The following SPATS2L variants were observed in gnomAD, a reference collection of about 807,000 sequenced individuals.
The protein encoded by SPATS2L is spermatogenesis associated serine rich 2 like.
In SPATS2L, 30 loss-of-function variants were observed where a neutral mutation model predicts 59.6. The ratio of observed to expected loss-of-function variants is 0.50; its 90% CI spans 0.38 to 0.68. The LOEUF is 0.68. SPATS2L is among the 30% of genes least tolerant of loss of function. The probability of loss-of-function intolerance (pLI) is 0.00; values close to 1 mark genes in which losing one functional copy is unlikely to be tolerated. For synonymous variants in SPATS2L, 252 were observed against 263.5 expected, an observed-to-expected ratio of 0.96 and a Z score of 0.42; for missense variants, 615 against 700.0, an observed-to-expected ratio of 0.88 and a Z score of 1.37.
intron 5 of SPATS2L, 41 bp downstream of exon 5, chr2:200,416,469 C>A: frequency 1.7e-6 from 2 of 1,160,128 alleles, no homozygotes; most frequent in Non-Finnish European, 2.4e-6. Flanking sequence ...CATCTTCAAT[C>A]AAAACCTTCA....
In SPATS2L at chr2:200,419,385, G is replaced by A. The variant is rs754518191; in HGVS notation, c.334G>A (p.Glu112Lys). ...TCAAAACGGCCCCATGAATGGCTGC[G>A]AGAAGGACAGCTCGTCCACAGATTC... ...QIQNGPMNGCEKDSSSTDSAN... is the reference protein window; with the variant it reads ...QIQNGPMNGCKKDSSSTDSAN... Residue 112 changes from glutamate (E) to lysine (K), a missense_variant, in exon 6 of 13, where the codon GAG (glutamate) becomes AAG (lysine). Coordinates refer to ENST00000409140, the MANE Select transcript of SPATS2L (RefSeq NM_001100423.2). The A allele has an allele frequency of 4.3e-6, 7 of 1,613,196 alleles. No homozygotes were observed. In the Admixed American group the frequency reaches 5.0e-5, roughly 12 times the overall value.
chr2:200,353,720 C>G (rs1185170335), intron 2 of SPATS2L, among the ~76,000 whole-genome samples: 2 of 152,078 alleles, frequency 1.3e-5, no homozygotes, highest in Non-Finnish European at 2.9e-5. Context: ...ACCCATTGTC[C>G]TTGAGAAATG....
intron 6 of SPATS2L, among the ~76,000 whole-genome samples, chr2:200,428,198 C>T (rs1049785821): frequency 6.6e-5 from 10 of 152,212 alleles, no homozygotes; most frequent in Admixed American, 2.0e-4. Flanking sequence ...CTCATTGTTA[C>T]GGCTTTCAGC....
intron 2 of SPATS2L, among the ~76,000 whole-genome samples, chr2:200,333,293 AAGAG>A (rs569331956): frequency 9.8e-4 from 149 of 151,742 alleles, no homozygotes; most frequent in African/African-American, 3.2e-3. Flanking sequence ...CTCAAAAAAA[AAGAG>A]AGAGAGAGAA....
chr2:200,422,248 G>A (rs1167379544), intron 6 of SPATS2L, among the ~76,000 whole-genome samples: 8 of 152,196 alleles, frequency 5.3e-5, no homozygotes, highest in Non-Finnish European at 8.8e-5. Context: ...CTGTTAAAGA[G>A]TAAATGAGCC....
At chr2:200,316,888 T>C (rs2079399220) in intron 1 of SPATS2L, among the ~76,000 whole-genome samples, 1 of 152,150 alleles carries the variant, frequency 6.6e-6, no homozygotes, top group Non-Finnish European at 1.5e-5. Context: ...TTTCCCTGGC[T>C]CCAGACCCCT....
At chr2:200,392,295 G>A (rs972478944) in intron 3 of SPATS2L, among the ~76,000 whole-genome samples, 2 of 152,130 alleles carry the variant, frequency 1.3e-5, no homozygotes, top group Non-Finnish European at 2.9e-5. Flanking sequence ...AATGATGTAA[G>A]CAGTCATGCC....
chr2:200,359,700 A>G (rs972196261), intron 2 of SPATS2L, among the ~76,000 whole-genome samples: 3 of 152,196 alleles, frequency 2.0e-5, no homozygotes, highest in African/African-American at 4.8e-5. Context: ...CTAGCTCTGT[A>G]AATCCTGGCC....
upstream of SPATS2L, chr2:200,306,117 G>A (rs2079004676): frequency 1.0e-6 from 1 of 987,372 alleles, no homozygotes; most frequent in Non-Finnish European, 1.2e-6. Context: ...GGTTTCCAAG[G>A]GCTGACCCGA....
chr2:200,387,535 C>T (rs1176268970), intron 2 of SPATS2L, among the ~76,000 whole-genome samples: 5 of 152,112 alleles, frequency 3.3e-5, no homozygotes, highest in African/African-American at 1.2e-4. Flanking sequence ...GTTAACATTG[C>T]GTATTACCAA....
At chr2:200,413,610 C>T (rs971085999) in intron 4 of SPATS2L, among the ~76,000 whole-genome samples, 2 of 152,202 alleles carry the variant, frequency 1.3e-5, no homozygotes, top group Non-Finnish European at 2.9e-5. Context: ...CCTGCCAGCA[C>T]ATTTCTCAGT....
chr2:200,383,620 C>A (rs565586649), intron 2 of SPATS2L, among the ~76,000 whole-genome samples: 1 of 152,132 alleles, frequency 6.6e-6, no homozygotes, highest in Non-Finnish European at 1.5e-5. Flanking sequence ...AAAGTCAAGT[C>A]GATCCAGTCT....
At position 200,477,657 on chromosome 2, in the gene SPATS2L, C is replaced by T. The variant is rs555931476; in HGVS notation, c.1303C>T (p.Arg435Trp). 2.0e-5 allele frequency: 31 copies of T among 1,551,668 alleles called. No individual in the cohort carries two copies. The highest frequency in any genetic ancestry group is 1.2e-4 in the South Asian group (10 of 82,604). ...NKQNGSSNQR[R>W]RFNPQYHNNR... is the part of the protein sequence containing the mutation. ...GTAGAATGGATCTTCTAACCAAAGA[C>T]GGAGATTTAATCCACAGTATCATAA... Residue 435 changes from arginine to tryptophan, a missense_variant, in exon 13 of 13, where the codon CGG (arginine) becomes TGG (tryptophan). This residue lies in a region of SPATS2L where 284 missense variants were observed against 280.1 expected (regional missense o/e 1.01). Coordinates refer to ENST00000409140, the MANE Select transcript of SPATS2L (RefSeq NM_001100423.2).
intron 2 of SPATS2L, chr2:200,378,101 A>G: frequency 2.8e-6 from 1 of 360,976 alleles, no homozygotes; most frequent in Non-Finnish European, 3.9e-6. Context: ...CAAAAAGGGA[A>G]CAAGTAGTCT....
chr2:200,409,552 G>A (rs968347386), intron 3 of SPATS2L, among the ~76,000 whole-genome samples: 1 of 152,276 alleles, frequency 6.6e-6, no homozygotes, highest in African/African-American at 2.4e-5. Context: ...AAACAATGCC[G>A]CTGTCTCCAC....
chr2:200,439,194 G>C lies in SPATS2L; in HGVS notation c.518G>C (p.Arg173Thr), dbSNP rs767330444. ...NPKPIHGTTERSDGLQWSAEQ... is the reference protein window; with the variant it reads ...NPKPIHGTTETSDGLQWSAEQ... ...AAACCTATACATGGAACAACAGAGA[G>C]GTCAGATGGCCTACAGTGGTCAGCT... Residue 173 changes from arginine to threonine, a missense_variant, in exon 7 of 13, where the codon AGG becomes ACG. Transcript: ENST00000409140. The C allele has an allele frequency of 6.2e-6, 10 of 1,613,616 alleles. No individual in the cohort carries two copies. The highest frequency in any genetic ancestry group is 8.5e-6 in the Non-Finnish European group (10 of 1,179,754).
At chr2:200,456,155 C>T (rs183245737) in intron 8 of SPATS2L, among the ~76,000 whole-genome samples, 3 of 152,282 alleles carry the variant, frequency 2.0e-5, no homozygotes, top group East Asian at 1.9e-4. Context: ...AAGGGCAGGC[C>T]GGGTTTATCT....
chr2:200,391,116 C>T (rs1352815306), intron 3 of SPATS2L, among the ~76,000 whole-genome samples: 9 of 152,108 alleles, frequency 5.9e-5, no homozygotes, highest in Non-Finnish European at 1.0e-4. Flanking sequence ...GCCAAGATCG[C>T]GCCACTGCAC....
chr2:200,381,823 A>G (rs2081822492), intron 2 of SPATS2L, among the ~76,000 whole-genome samples: 2 of 152,146 alleles, frequency 1.3e-5, no homozygotes, highest in African/African-American at 4.8e-5. Context: ...GTGATGCAGG[A>G]TTTTTGAATA....
Sources: allele counts gnomAD v4.1 joint callset (sites outside exome capture counted in the v4.1 genomes callset), GRCh38; gene constraint gnomAD v4.1.1; regional missense constraint gnomAD v4.1.1; transcripts MANE v1.5; gene names NCBI Gene and HGNC (gene_info 2026-07-23, HGNC 2026-07-21).